Variants in APLP2 observed in about 807,000 individuals in gnomAD.
APLP2 encodes the protein CDEI box-binding protein.
APLP2 carries 53 observed loss-of-function variants against 89.9 expected under a neutral mutation model. The ratio of observed to expected loss-of-function variants is 0.59; its 90% confidence interval spans 0.47 to 0.74. The LOEUF (loss-of-function observed/expected upper bound fraction) is 0.74, where lower values mean the gene tolerates loss of function less well. Among genes scored for constraint, APLP2 ranks in the 30% least tolerant of loss-of-function variants. The pLI is 0.00. For missense variants in APLP2, 973 were observed against 975.9 expected, an observed-to-expected ratio of 1.00 and a Z score of 0.04; for synonymous variants, 372 against 348.6, an observed-to-expected ratio of 1.07 and a Z score of -0.75.
At chr11:130,133,576 C>T (rs1314672110) in intron 11 of APLP2, 53 bp from the exon 12 acceptor site, 3 of 1,360,286 alleles carry the variant, frequency 2.2e-6, no homozygotes, top group African/African-American at 2.9e-5. Flanking sequence ...AAGTTCCCTC[C>T]TGGCCTAGTT....
intron 3 of APLP2, among the ~76,000 whole-genome samples, chr11:130,114,841 A>G (rs1405064827): frequency 2.0e-5 from 3 of 152,200 alleles, no homozygotes; most frequent in Admixed American, 1.3e-4. Context: ...TTTGAAAACA[A>G]AACTGGTCTC....
chr11:130,107,253 GC>G (rs921728332), intron 1 of APLP2, among the ~76,000 whole-genome samples: 2 of 152,202 alleles, frequency 1.3e-5, no homozygotes, highest in African/African-American at 4.8e-5. Context: ...TTTGGTGTGT[GC>G]AAAGGATTAG....
intron 1 of APLP2, among the ~76,000 whole-genome samples, chr11:130,082,151 C>T (rs558214212): frequency 6.6e-6 from 1 of 151,904 alleles, no homozygotes; most frequent in African/African-American, 2.4e-5. Context: ...ATTAATTTAG[C>T]CTTTTAATTT....
At chr11:130,077,880 C>CATA (rs1942407312) in intron 1 of APLP2, among the ~76,000 whole-genome samples, 1 of 152,166 alleles carries the variant, frequency 6.6e-6, no homozygotes, top group Non-Finnish European at 1.5e-5. Flanking sequence ...AGGAAAGTGC[C>CATA]AGCCACCCTT....
rs771748618 is a variant in APLP2 at position 130,141,516 on chromosome 11, G to C, written c.1942G>C (p.Asp648His). 6.2e-7 allele frequency: 1 copy of C among 1,614,020 alleles called. No individual in the cohort carries two copies. Among genetic ancestry groups the C allele is most frequent in the Non-Finnish European group, 8.5e-7 (1 of 1,179,994 alleles). ...GTTTCAGGTCATTGACGAGACTCTG[G>C]ATGTTAAGGAAATGATTTTCAATGC... is the stretch of plus-strand genomic sequence containing the variant. ...DENMVIDETL[D>H]VKEMIFNAER... Residue 648 changes from aspartate to histidine, a missense_variant, in exon 15 of 17, where the codon GAT (aspartate) becomes CAT (histidine). Asp to His is a moderately conservative substitution (Grantham distance 81). Transcript: ENST00000338167. The surrounding 1 kb of genome is among the most constrained non-coding windows in gnomAD (Gnocchi z 4.2).
intron 1 of APLP2, among the ~76,000 whole-genome samples, chr11:130,077,266 G>T (rs1942298763): frequency 6.6e-6 from 1 of 152,234 alleles, no homozygotes. Context: ...ATGCTATCCA[G>T]AAGAGAATGG....
chr11:130,088,818 G>A (rs79809774), intron 1 of APLP2, among the ~76,000 whole-genome samples: 1,540 of 151,942 alleles, frequency 0.01, 32 homozygotes, highest in African/African-American at 0.034. Flanking sequence ...AATAGGGACG[G>A]CCTTCTTTTT....
intron 11 of APLP2, among the ~76,000 whole-genome samples, chr11:130,130,733 T>G (rs1166435733): frequency 6.6e-6 from 1 of 152,234 alleles, no homozygotes; most frequent in Non-Finnish European, 1.5e-5. Flanking sequence ...TTAGTTTTCC[T>G]AGAGGGCCTT....
intron 12 of APLP2, among the ~76,000 whole-genome samples, chr11:130,135,077 G>A (rs1951411706): frequency 6.6e-6 from 1 of 151,116 alleles, no homozygotes; most frequent in African/African-American, 2.5e-5. Context: ...GGTATGAAGT[G>A]GTAGTTGTAG....
chr11:130,088,468 G>A (rs896017981), intron 1 of APLP2, among the ~76,000 whole-genome samples: 1 of 151,956 alleles, frequency 6.6e-6, no homozygotes, highest in Non-Finnish European at 1.5e-5. Context: ...AATCATCTAG[G>A]CATATAAACT....
chr11:130,081,802 A>G (rs1357867857), intron 1 of APLP2, among the ~76,000 whole-genome samples: 2 of 152,234 alleles, frequency 1.3e-5, no homozygotes, highest in African/African-American at 4.8e-5. Flanking sequence ...ATAACTGAAC[A>G]TGTATGTTTC....
intron 12 of APLP2, 90 bp downstream of exon 12, chr11:130,133,818 A>G: frequency 1.0e-6 from 1 of 994,910 alleles, no homozygotes. Context: ...AGAGATGAGC[A>G]AGCAAGGCCG....
intron 1 of APLP2, chr11:130,082,923 C>T (rs1450248485): frequency 6.6e-6 from 1 of 151,064 alleles, no homozygotes; most frequent in Non-Finnish European, 1.5e-5. Flanking sequence ...AGCCACAAGA[C>T]ATAAGCATTT....
At position 130,122,365 on chromosome 11, in the gene APLP2, T is replaced by C. The variant is rs773283649; in HGVS notation, c.774T>C (p.Asp258=). ...CAGAAGCAGCTGTGGATGAGGATGA[T>C]GAGGATGAGGAAGAAGGGGAGGAAG... ...DFTEAAVDED[D]EDEEEGEEVV... The change falls in exon 6 of 17, where the codon GAT becomes GAC. Residue 258 remains aspartate (D), a synonymous_variant. Coordinates refer to ENST00000338167, the MANE Select transcript of APLP2 (RefSeq NM_001142276.2). 6.2e-7 allele frequency: 1 copy of C among 1,613,982 alleles called. No homozygotes were observed.
At chr11:130,077,345 T>C (rs1942312850) in intron 1 of APLP2, among the ~76,000 whole-genome samples, 1 of 152,200 alleles carries the variant, frequency 6.6e-6, no homozygotes, top group South Asian at 2.1e-4. Context: ...ATATTTCGCC[T>C]AGATAAGAAA....
intron 11 of APLP2, among the ~76,000 whole-genome samples, chr11:130,131,563 G>A (rs557510212): frequency 1.3e-5 from 2 of 152,314 alleles, no homozygotes; most frequent in South Asian, 4.1e-4. Flanking sequence ...TTTGCTTCAC[G>A]CTGGATGTAG....
intron 11 of APLP2, among the ~76,000 whole-genome samples, chr11:130,131,245 C>A (rs1483973771): frequency 6.6e-6 from 1 of 152,100 alleles, no homozygotes; most frequent in African/African-American, 2.4e-5. Context: ...ATTACAGGTG[C>A]CCACCACAGT....
chr11:130,101,161 G>A (rs1010229927), intron 1 of APLP2, among the ~76,000 whole-genome samples: 1 of 152,106 alleles, frequency 6.6e-6, no homozygotes, highest in Non-Finnish European at 1.5e-5. Context: ...ATTAGGATGT[G>A]TACCCGTGTG....
chr11:130,143,248 G>A, intron 16 of APLP2, 99 bp from the exon 17 acceptor site: 2 of 1,087,428 alleles, frequency 1.8e-6, no homozygotes, highest in Non-Finnish European at 2.8e-6. Context: ...GCTGCATTTG[G>A]TCCTCAGGGG....
Sources: gnomAD v4.1 joint callset for allele counts (sites outside exome capture counted in the v4.1 genomes callset) on GRCh38, gnomAD v4.1.1 for gene constraint, Gnocchi (gnomAD v3.1) non-coding constraint, MANE v1.5 for transcripts, NCBI Gene and HGNC (gene_info 2026-07-23, HGNC 2026-07-21) for gene names.